The following FRMD4A variants were observed in gnomAD, a reference collection of about 807,000 sequenced individuals.
The protein encoded by FRMD4A is FERM domain containing 4A.
FRMD4A carries 29 observed loss-of-function variants against 129.1 expected under a neutral mutation model. That is an observed-to-expected ratio of 0.22 (90% CI 0.17 to 0.31). FRMD4A has a LOEUF of 0.31. Among genes scored for constraint, FRMD4A ranks in the 10% least tolerant of loss-of-function variants. The pLI is 1.00. For synonymous variants in FRMD4A, 634 were observed against 571.6 expected, an observed-to-expected ratio of 1.11 and a Z score of -1.56; for missense variants, 1,272 against 1,375.8, an observed-to-expected ratio of 0.92 and a Z score of 1.19.
intron 2 of FRMD4A, among the ~76,000 whole-genome samples, chr10:13,981,400 GCAAA>G (rs1298586429): frequency 1.3e-5 from 2 of 152,122 alleles, no homozygotes; most frequent in African/African-American, 4.8e-5. Flanking sequence ...TATGCTGAGA[GCAAA>G]CAGACTGAAA....
At chr10:14,087,352 TA>T (rs1302836349) in intron 2 of FRMD4A, among the ~76,000 whole-genome samples, 1 of 147,666 alleles carries the variant, frequency 6.8e-6, no homozygotes, top group Non-Finnish European at 1.5e-5. Flanking sequence ...TTATATATTA[TA>T]AAATTATATT....
chr10:14,324,563 T>C (rs1843189582), intron 2 of FRMD4A, among the ~76,000 whole-genome samples: 6 of 152,246 alleles, frequency 3.9e-5, no homozygotes, highest in Admixed American at 3.9e-4. Context: ...GTAATTATTA[T>C]TCTCCAAATT....
chr10:14,076,120 C>A (rs1316509881), intron 2 of FRMD4A, among the ~76,000 whole-genome samples: 4 of 152,184 alleles, frequency 2.6e-5, no homozygotes, highest in Admixed American at 2.6e-4. Context: ...TCACTATGCA[C>A]CCCTTCACCT....
At chr10:14,307,686 A>C (rs1005255726) in intron 2 of FRMD4A, among the ~76,000 whole-genome samples, 13 of 152,212 alleles carry the variant, frequency 8.5e-5, no homozygotes, top group Admixed American at 7.9e-4. Flanking sequence ...GGCTTTCAGA[A>C]ATAAGGAGAA....
At chr10:13,894,447 A>C (rs1002423063) in intron 2 of FRMD4A, among the ~76,000 whole-genome samples, 2 of 152,050 alleles carry the variant, frequency 1.3e-5, no homozygotes, top group Non-Finnish European at 2.9e-5. Flanking sequence ...CCTACCCTCC[A>C]GCTACAGAAC....
At chr10:14,089,865 C>A (rs1011598281) in intron 2 of FRMD4A, among the ~76,000 whole-genome samples, 7 of 152,186 alleles carry the variant, frequency 4.6e-5, no homozygotes, top group Non-Finnish European at 7.3e-5. Flanking sequence ...TCTTTATAAA[C>A]CCACGGATTG....
At chr10:14,296,957 C>T (rs1846029237) in intron 2 of FRMD4A, among the ~76,000 whole-genome samples, 1 of 152,188 alleles carries the variant, frequency 6.6e-6, no homozygotes, top group African/African-American at 2.4e-5. Flanking sequence ...AATCACAGAA[C>T]TCTCCGAGCC....
rs1554956506 is a variant in FRMD4A at position 13,884,184 on chromosome 10, A to ACACTCT, written c.46-25273_46-25272insAGAGTG. 2.9e-4 allele frequency among the ~76,000 whole-genome samples: 23 copies of ACACTCT among 79,586 alleles called. No homozygotes were observed. The East Asian group carries it at 7.6e-3, about 26-fold the overall frequency. 52.2% of individuals were successfully genotyped at this position (79,586 alleles called of 152,430 possible). On this transcript the variant is annotated intron_variant, in intron 2 of 24. Coordinates refer to ENST00000357447, the MANE Select transcript of FRMD4A (RefSeq NM_018027.5). ...CACACACACTCACACACTCACACAC[A>ACACTCT]CACACACACACTCACACACACACTC...
intron 19 of FRMD4A, 140 bp from the exon 20 acceptor site, chr10:13,660,693 A>T: frequency 1.7e-6 from 1 of 594,332 alleles, no homozygotes; most frequent in Non-Finnish European, 3.0e-6. Flanking sequence ...AGAAACCCTG[A>T]AACTCTTCCC....
intron 19 of FRMD4A, among the ~76,000 whole-genome samples, chr10:13,661,640 C>T (rs944507006): frequency 1.3e-5 from 2 of 152,122 alleles, no homozygotes; most frequent in African/African-American, 4.8e-5. Context: ...AACTATTCAC[C>T]TGGCAGTGTT....
At chr10:13,906,517 T>C (rs561039827) in intron 2 of FRMD4A, among the ~76,000 whole-genome samples, 163 of 152,328 alleles carry the variant, frequency 1.1e-3, no homozygotes, top group Non-Finnish European at 1.7e-3. Flanking sequence ...ACAGAGTACA[T>C]GTTAAATAAA....
At chr10:13,964,076 C>G (rs1053414421) in intron 2 of FRMD4A, among the ~76,000 whole-genome samples, 8 of 151,444 alleles carry the variant, frequency 5.3e-5, no homozygotes, top group Non-Finnish European at 8.8e-5. Flanking sequence ...CAACCCAGAA[C>G]CAGAGAGGAG....
At chr10:14,090,444 G>A (rs1394783515) in intron 2 of FRMD4A, among the ~76,000 whole-genome samples, 1 of 152,184 alleles carries the variant, frequency 6.6e-6, no homozygotes, top group South Asian at 2.1e-4. Flanking sequence ...CTGGGGACAC[G>A]ACAGTCAACC....
chr10:13,754,750 G>A (rs1464238851), intron 8 of FRMD4A, among the ~76,000 whole-genome samples: 6 of 151,896 alleles, frequency 4.0e-5, no homozygotes, highest in Non-Finnish European at 5.9e-5. Context: ...TGAAAGTTTA[G>A]GTAGATATTA....
At chr10:13,892,295 C>G (rs1198748753) in intron 2 of FRMD4A, among the ~76,000 whole-genome samples, 1 of 152,050 alleles carries the variant, frequency 6.6e-6, no homozygotes, top group Non-Finnish European at 1.5e-5. Flanking sequence ...CAGCTCTTAC[C>G]CCTCGATCTA....
chr10:13,907,167 G>A (rs2094890665), intron 2 of FRMD4A, among the ~76,000 whole-genome samples: 1 of 152,096 alleles, frequency 6.6e-6, no homozygotes, highest in East Asian at 1.9e-4. Flanking sequence ...TACATCAGAA[G>A]GTAGTCTGTA....
intron 13 of FRMD4A, among the ~76,000 whole-genome samples, chr10:13,702,540 A>ATATG (rs1554852830): frequency 0.043 from 4,673 of 107,796 alleles, 90 homozygotes; most frequent in Non-Finnish European, 0.072. Context: ...GTGTGTTTGC[A>ATATG]TGTGTGTGTG....
intron 2 of FRMD4A, among the ~76,000 whole-genome samples, chr10:14,279,802 A>C (rs759282136): frequency 5.3e-5 from 8 of 152,208 alleles, no homozygotes; most frequent in Non-Finnish European, 8.8e-5. Context: ...ACTGCATCTC[A>C]AAGAGACGGA....
chr10:14,174,447 G>A (rs1237653696), intron 2 of FRMD4A, among the ~76,000 whole-genome samples: 1 of 152,224 alleles, frequency 6.6e-6, no homozygotes, highest in Non-Finnish European at 1.5e-5. Context: ...CAGGGCAGGA[G>A]GCGAGGGGGG....
Sources: gnomAD v4.1 joint callset for allele counts (sites outside exome capture counted in the v4.1 genomes callset) on GRCh38, gnomAD v4.1.1 for gene constraint, MANE v1.5 for transcripts, NCBI Gene and HGNC (gene_info 2026-07-23, HGNC 2026-07-21) for gene names.